HMCN1: variants seen among roughly 807,000 people sequenced by gnomAD.
HMCN1 encodes hemicentin 1.
A neutral mutation model predicts 625.9 loss-of-function variants in HMCN1; 321 were observed. The observed-to-expected ratio is 0.51, with a 90% confidence interval of 0.47 to 0.56. The LOEUF is 0.56. Among genes scored for constraint, HMCN1 ranks in the 20% least tolerant of loss-of-function variants. HMCN1 has a pLI of 0.00. For synonymous variants in HMCN1, 2,425 were observed against 2,417.6 expected, an observed-to-expected ratio of 1.00 and a Z score of -0.09; for missense variants, 6,588 against 6,887.3, an observed-to-expected ratio of 0.96 and a Z score of 1.54.
At chr1:185,894,549 A>G (rs1665370402) in intron 4 of HMCN1, among the ~76,000 whole-genome samples, 1 of 152,180 alleles carries the variant, frequency 6.6e-6, no homozygotes, top group South Asian at 2.1e-4. Flanking sequence ...ATGATTGTTC[A>G]TCCTTAGCAG....
rs752068664 is a variant in HMCN1, at chr1:186,187,942, A to G, written c.16474A>G (p.Met5492Val). ...TGGACCCAATCGCATGTGCTTCAAC[A>G]TGAGAGGAAGCTACCAGTGCATCGA... ...HCGPNRMCFNMRGSYQCIDTP... is the reference protein window; with the variant it reads ...HCGPNRMCFNVRGSYQCIDTP... Residue 5492 changes from methionine (M) to valine (V), a missense_variant, in exon 106 of 107, where the codon ATG (methionine) becomes GTG (valine). By Grantham distance (21) the Met-to-Val change is conservative. This residue lies in a region of HMCN1 where 1,954 missense variants were observed against 2,013.1 expected (regional missense o/e 0.97). Coordinates refer to ENST00000271588, the MANE Select transcript of HMCN1 (RefSeq NM_031935.3). The G allele has an allele frequency of 3.7e-6, 6 of 1,613,772 alleles. 1 individual carries two copies. The highest frequency in any genetic ancestry group is 2.2e-5 in the East Asian group (1 of 44,870).
chr1:185,737,535 A>G (rs916451195), intron 1 of HMCN1, among the ~76,000 whole-genome samples: 2 of 152,196 alleles, frequency 1.3e-5, no homozygotes, highest in African/African-American at 2.4e-5. Flanking sequence ...ATCCTCAACT[A>G]TATAAATTGA....
At chr1:185,794,241 G>A (rs75926002) in intron 1 of HMCN1, among the ~76,000 whole-genome samples, 4,708 of 152,046 alleles carry the variant, frequency 0.031, 228 homozygotes, top group African/African-American at 0.1. Flanking sequence ...ATGCAGCTAC[G>A]CTCTCAGGCC....
At chr1:186,137,089 A>G (rs1348711966) in intron 87 of HMCN1, 152 bp downstream of exon 87, 7 of 959,900 alleles carry the variant, frequency 7.3e-6, no homozygotes, top group Non-Finnish European at 9.7e-6. Flanking sequence ...TTACAGATTG[A>G]AGGGCCTAAA....
At position 186,000,176 on chromosome 1, in the gene HMCN1, T is replaced by C. The variant is rs771404113; in HGVS notation, c.4006T>C (p.Tyr1336His). Residue 1336 changes from tyrosine (Y) to histidine (H), a missense_variant, in exon 26 of 107, where the codon TAC becomes CAC. Physicochemically the swap from Tyr to His is moderately conservative, Grantham distance 83. Around this residue, in one of 3 missense-constraint regions of HMCN1, gnomAD observed 4,628 missense variants for 4,853.1 expected, o/e 0.95. Transcript: ENST00000271588. ...TGTTACACCCTATGACAATGGGGAG[T>C]ACATCTGTGTGGCAGTCAATGAAGC... ...ASVTPYDNGE[Y>H]ICVAVNEAGT... 6.2e-7 allele frequency: 1 copy of C among 1,613,126 alleles called. No homozygotes were observed. Among genetic ancestry groups the C allele is most frequent in the South Asian group, 1.1e-5 (1 of 91,064 alleles).
chr1:185,920,460 CA>C (rs753161128), intron 6 of HMCN1, among the ~76,000 whole-genome samples: 3 of 152,124 alleles, frequency 2.0e-5, no homozygotes, highest in Admixed American at 6.6e-5. Context: ...CATATTTTAG[CA>C]GAGCAAAATA....
chr1:185,791,664 G>A (rs1413759900), intron 1 of HMCN1, among the ~76,000 whole-genome samples: 1 of 152,172 alleles, frequency 6.6e-6, no homozygotes, highest in East Asian at 1.9e-4. Flanking sequence ...AGAGGTTGCA[G>A]TGAGCCGAGA....
In HMCN1 at chr1:185,981,168, A is replaced by C. The variant is rs1412090725; in HGVS notation, c.2662+95A>C. The C allele has an allele frequency of 1.2e-4, 93 of 804,560 alleles. 2 individuals carry two copies. In the South Asian group the frequency reaches 1.2e-3, roughly 10 times the overall value. 49.8% of individuals were successfully genotyped at this position (804,560 alleles called of 1,614,324 possible). A position where few individuals can be genotyped will look rare whatever the true frequency, so the allele number is the denominator to read the frequency against. On this transcript the variant is annotated intron_variant, in intron 17 of 106. Coordinates refer to ENST00000271588, the MANE Select transcript of HMCN1 (RefSeq NM_031935.3). ...TTGCCTGTGCCACTTAAAAAAAAACAAAAGATAAATGACTAATTACTAGAC... is the reference window on the plus strand; with the variant it reads ...TTGCCTGTGCCACTTAAAAAAAAACCAAAGATAAATGACTAATTACTAGAC...
At chr1:185,756,004 C>T (rs1274405634) in intron 1 of HMCN1, among the ~76,000 whole-genome samples, 2 of 152,112 alleles carry the variant, frequency 1.3e-5, no homozygotes, top group African/African-American at 4.8e-5. Flanking sequence ...AGCAGTTCTC[C>T]TGCCTCAGGA....
intron 81 of HMCN1, among the ~76,000 whole-genome samples, chr1:186,123,638 CATTAT>C (rs1295401299): frequency 1.3e-5 from 2 of 152,006 alleles, no homozygotes; most frequent in Non-Finnish European, 2.9e-5. Flanking sequence ...CTATTTGATT[CATTAT>C]ATTAAAGTGG....
chr1:185,890,368 TC>T (rs1664983611), intron 4 of HMCN1, among the ~76,000 whole-genome samples: 1 of 147,844 alleles, frequency 6.8e-6, no homozygotes, highest in South Asian at 2.1e-4. Context: ...GAATGGGTTT[TC>T]TCTTGCTTTT....
intron 1 of HMCN1, among the ~76,000 whole-genome samples, chr1:185,757,757 T>C (rs1655226792): frequency 6.6e-6 from 1 of 152,188 alleles, no homozygotes; most frequent in Non-Finnish European, 1.5e-5. Context: ...TGCCAAAATA[T>C]ATTGGCACAA....
chr1:185,893,278 G>A (rs1277398268), intron 4 of HMCN1, among the ~76,000 whole-genome samples: 2 of 152,210 alleles, frequency 1.3e-5, no homozygotes, highest in African/African-American at 4.8e-5. Flanking sequence ...CTTCTGCGTT[G>A]CTCAGGCTGG....
At chr1:186,103,145 A>G (rs1558225392) in intron 68 of HMCN1, among the ~76,000 whole-genome samples, 1 of 152,094 alleles carries the variant, frequency 6.6e-6, no homozygotes, top group African/African-American at 2.4e-5. Context: ...TAAAAAAAAA[A>G]GTGGTACAAG....
At chr1:185,941,061 T>C (rs1327582673) in intron 11 of HMCN1, among the ~76,000 whole-genome samples, 1 of 152,144 alleles carries the variant, frequency 6.6e-6, no homozygotes, top group Non-Finnish European at 1.5e-5. Context: ...TTCACCATGC[T>C]GGCCAGGCTC....
At chr1:185,895,719 C>T (rs1665444343) in intron 4 of HMCN1, among the ~76,000 whole-genome samples, 2 of 152,160 alleles carry the variant, frequency 1.3e-5, no homozygotes, top group Admixed American at 6.5e-5. Flanking sequence ...ACTCAAAGTG[C>T]TGAGTACAAC....
At chr1:185,756,729 C>T (rs1363680809) in intron 1 of HMCN1, among the ~76,000 whole-genome samples, 1 of 152,182 alleles carries the variant, frequency 6.6e-6, no homozygotes, top group African/African-American at 2.4e-5. Context: ...TCAAGTCAAA[C>T]TGTTTTCAAC....
intron 33 of HMCN1, among the ~76,000 whole-genome samples, chr1:186,017,812 A>G (rs1316770682): frequency 6.6e-6 from 1 of 151,974 alleles, no homozygotes; most frequent in Non-Finnish European, 1.5e-5. Context: ...TAGTGGGTGT[A>G]TACATTTATG....
intron 97 of HMCN1, among the ~76,000 whole-genome samples, chr1:186,155,456 G>C (rs1220297088): frequency 3.3e-5 from 5 of 151,932 alleles, no homozygotes. Flanking sequence ...TCTAACTTCT[G>C]TTTCTACTTT....
Sources: allele counts gnomAD v4.1 joint callset (sites outside exome capture counted in the v4.1 genomes callset), GRCh38; gene constraint gnomAD v4.1.1; regional missense constraint gnomAD v4.1.1; transcripts MANE v1.5; gene names NCBI Gene and HGNC (gene_info 2026-07-23, HGNC 2026-07-21).